The following SUPT3H variants were observed in gnomAD, a reference collection of about 807,000 sequenced individuals.
SUPT3H encodes the protein transcription initiation protein SPT3 homolog.
In SUPT3H, 44 loss-of-function variants were observed where a neutral mutation model predicts 44.3. The ratio of observed to expected loss-of-function variants is 0.99; its 90% CI spans 0.78 to 1.28. The LOEUF (loss-of-function observed/expected upper bound fraction) is 1.28, where lower values mean the gene tolerates loss of function less well. SUPT3H is among the 50% of genes most tolerant of loss of function. The probability of loss-of-function intolerance (pLI) is 0.00; values close to 1 mark genes in which losing one functional copy is unlikely to be tolerated. For synonymous variants in SUPT3H, 124 were observed against 125.6 expected (o/e 0.99, Z 0.09); for missense variants, 380 against 387.1 (o/e 0.98, Z 0.15).
At chr6:45,135,684 T>G (rs566368346) in intron 2 of SUPT3H, among the ~76,000 whole-genome samples, 1 of 152,304 alleles carries the variant, frequency 6.6e-6, no homozygotes, top group East Asian at 1.9e-4. Flanking sequence ...CATTCCACCA[T>G]GTGAGGTTAT....
At chr6:45,180,788 C>G (rs1813014450) in intron 2 of SUPT3H, among the ~76,000 whole-genome samples, 1 of 151,992 alleles carries the variant, frequency 6.6e-6, no homozygotes, top group Non-Finnish European at 1.5e-5. Context: ...TAGGCAATAC[C>G]ATTCAGGACA....
intron 3 of SUPT3H, among the ~76,000 whole-genome samples, chr6:45,038,148 A>G (rs937953352): frequency 6.6e-6 from 1 of 152,190 alleles, no homozygotes; most frequent in Non-Finnish European, 1.5e-5. Flanking sequence ...AAAAGAATAA[A>G]AACACCCTAA....
At chr6:45,101,611 T>C (rs535347633) in intron 3 of SUPT3H, among the ~76,000 whole-genome samples, 1 of 152,332 alleles carries the variant, frequency 6.6e-6, no homozygotes, top group South Asian at 2.1e-4. Flanking sequence ...AGTAACAATT[T>C]ATTGTATATT....
chr6:45,179,477 C>A (rs1812691881), intron 2 of SUPT3H, among the ~76,000 whole-genome samples: 1 of 152,176 alleles, frequency 6.6e-6, no homozygotes, highest in Non-Finnish European at 1.5e-5. Context: ...CAAAAATCCT[C>A]AATAAAATAC....
intron 3 of SUPT3H, among the ~76,000 whole-genome samples, chr6:45,069,862 GA>G (rs34679719): frequency 0.41 from 61,394 of 149,940 alleles, 12,759 homozygotes; most frequent in East Asian, 0.71. Flanking sequence ...TGACACAAAG[GA>G]AAAAAAAAAT....
chr6:45,152,323 G>A lies in SUPT3H; in HGVS notation c.102-46317C>T, dbSNP rs1344503852. 2.0e-5 allele frequency among the ~76,000 whole-genome samples: 3 copies of A among 152,028 alleles called. No individual in the cohort carries two copies. In the South Asian group the frequency reaches 6.2e-4, roughly 32 times the overall value. On this transcript the variant is annotated intron_variant, in intron 2 of 10. Coordinates refer to ENST00000371459, the MANE Select transcript of SUPT3H (RefSeq NM_003599.4). ...TAGCAAATCTTGCGAGCTACCTTTA[G>A]AATATTTATTTCCACAATGCAATCA...
intron 2 of SUPT3H, among the ~76,000 whole-genome samples, chr6:45,143,898 T>A (rs576969415): frequency 6.6e-6 from 1 of 152,210 alleles, no homozygotes; most frequent in African/African-American, 2.4e-5. Flanking sequence ...CAAAAGATCA[T>A]TCAAGGTTAC....
At chr6:45,250,964 C>T (rs557623435) in intron 2 of SUPT3H, 2 of 152,022 alleles carry the variant, frequency 1.3e-5, no homozygotes, top group South Asian at 4.2e-4. Flanking sequence ...ACTACCACAC[C>T]AGCTATTTTT....
At chr6:45,180,408 A>G (rs1195450918) in intron 2 of SUPT3H, among the ~76,000 whole-genome samples, 1 of 150,786 alleles carries the variant, frequency 6.6e-6, no homozygotes, top group African/African-American at 2.4e-5. Flanking sequence ...CCACATCGCC[A>G]AGTCAATCCT....
At chr6:44,971,549 TATG>T (rs1259286328) in intron 6 of SUPT3H, among the ~76,000 whole-genome samples, 1 of 152,110 alleles carries the variant, frequency 6.6e-6, no homozygotes, top group East Asian at 1.9e-4. Flanking sequence ...ACTCACTCAC[TATG>T]ATGAGAACAG....
intron 2 of SUPT3H, among the ~76,000 whole-genome samples, chr6:45,261,488 T>A (rs1245097824): frequency 2.0e-5 from 3 of 151,500 alleles, no homozygotes. Flanking sequence ...AAACACATGA[T>A]CATCTCCATA....
At chr6:45,360,135 C>T (rs1178464353) in intron 2 of SUPT3H, among the ~76,000 whole-genome samples, 2 of 152,184 alleles carry the variant, frequency 1.3e-5, no homozygotes, top group Admixed American at 6.5e-5. Flanking sequence ...TGCAACAGCA[C>T]GGAATCTGGA....
intron 2 of SUPT3H, among the ~76,000 whole-genome samples, chr6:45,148,743 C>T (rs1806478969): frequency 1.3e-5 from 2 of 152,112 alleles, no homozygotes; most frequent in African/African-American, 2.4e-5. Context: ...AAATATATTG[C>T]AGTATTTATT....
chr6:44,883,534 T>C (rs1160306755), intron 10 of SUPT3H, among the ~76,000 whole-genome samples: 1 of 152,122 alleles, frequency 6.6e-6, no homozygotes, highest in Non-Finnish European at 1.5e-5. Context: ...CTACTTTAAA[T>C]TTCATATGGA....
chr6:44,936,970 T>C (rs998938262), intron 9 of SUPT3H, among the ~76,000 whole-genome samples: 1 of 152,012 alleles, frequency 6.6e-6, no homozygotes, highest in Admixed American at 6.6e-5. Flanking sequence ...CCTGACCCAT[T>C]CTTTTCCATT....
downstream of SUPT3H, among the ~76,000 whole-genome samples, chr6:44,824,942 T>C (rs1424980583): frequency 6.6e-6 from 1 of 152,202 alleles, no homozygotes; most frequent in Non-Finnish European, 1.5e-5. Context: ...TGAGCAAGCC[T>C]TTAAAAGGGT....
At chr6:45,191,703 A>T (rs966453228) in intron 2 of SUPT3H, among the ~76,000 whole-genome samples, 1 of 152,084 alleles carries the variant, frequency 6.6e-6, no homozygotes, top group Non-Finnish European at 1.5e-5. Flanking sequence ...CAAAAATAAG[A>T]TAAATGTGGG....
chr6:44,831,400 A>G (rs538278610), intron 10 of SUPT3H, among the ~76,000 whole-genome samples: 1 of 152,330 alleles, frequency 6.6e-6, no homozygotes, highest in East Asian at 1.9e-4. Flanking sequence ...GCTATAGAAC[A>G]GTGTTAAGTG....
At chr6:45,299,306 A>G (rs1417685562) in intron 2 of SUPT3H, among the ~76,000 whole-genome samples, 1 of 148,428 alleles carries the variant, frequency 6.7e-6, no homozygotes, top group African/African-American at 2.5e-5. Flanking sequence ...ACTGCACTCC[A>G]GCTTGGGCAA....
Sources: gnomAD v4.1 joint callset for allele counts (sites outside exome capture counted in the v4.1 genomes callset) on GRCh38, gnomAD v4.1.1 for gene constraint, MANE v1.5 for transcripts, NCBI Gene and HGNC (gene_info 2026-07-23, HGNC 2026-07-21) for gene names.